METTL25: variants seen among roughly 807,000 people sequenced by gnomAD.
The protein encoded by METTL25 is probable methyltransferase-like protein 25.
In METTL25, 64 loss-of-function variants were observed where a neutral mutation model predicts 71.6. That is an observed-to-expected ratio of 0.89 (90% CI 0.73 to 1.10). METTL25 has a LOEUF of 1.10. Ranked by LOEUF, METTL25 falls within the 50% of genes least tolerant of loss-of-function variation. The pLI is 0.00. For missense variants in METTL25, 807 were observed against 707.0 expected (o/e 1.14, Z -1.60); for synonymous variants, 287 against 250.3 (o/e 1.15, Z -1.38).
At position 82,370,714 on chromosome 12, in the gene METTL25, C is replaced by T. The variant is rs545987716; in HGVS notation, c.259+11890C>T. ...TTCTTTACTATTTCTATCTTTTTCT[C>T]TCTTTGACTCCTTCTTTGTCTCTCT... On this transcript the variant is annotated intron_variant, in intron 1 of 11. Transcript: ENST00000248306. 2.0e-5 allele frequency among the ~76,000 whole-genome samples: 3 copies of T among 151,744 alleles called. No homozygotes were observed. In the East Asian group the frequency reaches 5.8e-4, roughly 30 times the overall value.
intron 8 of METTL25, among the ~76,000 whole-genome samples, chr12:82,449,605 T>G (rs774337979): frequency 1.1e-4 from 17 of 152,264 alleles, no homozygotes; most frequent in Middle Eastern, 3.4e-3. Context: ...CTGTGATAGC[T>G]TTCTTTCCTC....
chr12:82,473,682 C>T (rs983941180), intron 9 of METTL25, among the ~76,000 whole-genome samples: 8 of 152,312 alleles, frequency 5.3e-5, no homozygotes, highest in Middle Eastern at 3.4e-3. Flanking sequence ...CACCTGGCCT[C>T]AGAGCATGTC....
At chr12:82,402,356 ATAT>A (rs1386865180) in intron 4 of METTL25, among the ~76,000 whole-genome samples, 16 of 152,250 alleles carry the variant, frequency 1.1e-4, no homozygotes, top group South Asian at 2.1e-4. Flanking sequence ...TCAAAAATTA[ATAT>A]TATGGTCAAA....
In METTL25 at chr12:82,417,926, G is replaced by C. The variant is rs61934307; in HGVS notation, c.1280-12967G>C. On this transcript the variant is annotated intron_variant, in intron 5 of 11. Coordinates refer to ENST00000248306, the MANE Select transcript of METTL25 (RefSeq NM_032230.3). ...GAGACAGACGGTCTTCCAGACAGAG[G>C]GAACAGCAAGTAAAAAACCCAAAGG... Among the ~76,000 whole-genome samples, 523 of 152,166 alleles carry C rather than the reference G, an allele frequency of 3.4e-3. 1 individual carries two copies. Among genetic ancestry groups the C allele is most frequent in the Non-Finnish European group, 5.9e-3 (403 of 67,996 alleles).
chr12:82,439,451 G>A (rs557263375), intron 8 of METTL25, among the ~76,000 whole-genome samples: 2 of 151,648 alleles, frequency 1.3e-5, no homozygotes, highest in African/African-American at 4.8e-5. Context: ...TAGTTATTTG[G>A]TATAATAGGA....
chr12:82,395,264 C>T (rs989901518), intron 3 of METTL25, among the ~76,000 whole-genome samples: 11 of 151,948 alleles, frequency 7.2e-5, no homozygotes, highest in African/African-American at 1.2e-4. Context: ...ACTCAGCAAA[C>T]GTAGGAGTTA....
chr12:82,376,418 T>G (rs567175572), intron 1 of METTL25, among the ~76,000 whole-genome samples: 184 of 152,370 alleles, frequency 1.2e-3, no homozygotes, highest in African/African-American at 4.4e-3. Context: ...TCATTTATAA[T>G]TTTATTCTTC....
chr12:82,393,915 T>A (rs1885840914), intron 3 of METTL25, among the ~76,000 whole-genome samples: 1 of 152,060 alleles, frequency 6.6e-6, no homozygotes. Context: ...TTTTGCTGTA[T>A]CCCGTGGGTT....
rs57098687 is a variant in METTL25, at chr12:82,441,806, A to AACAC, written c.1478+3039_1478+3042dup. 6.2e-4 allele frequency among the ~76,000 whole-genome samples: 83 copies of AACAC among 133,982 alleles called. 1 individual carries two copies. The highest frequency in any genetic ancestry group is 1.6e-3 in the African/African-American group (58 of 35,206). The allele number at this position is 133,982 out of a possible 152,430, so 87.9% of individuals were successfully genotyped here. A position where few individuals can be genotyped will look rare whatever the true frequency, so the allele number is the denominator to read the frequency against. On this transcript the variant is annotated intron_variant, in intron 8 of 11. Transcript: ENST00000248306. ...TATAGCAAAAAAAAAAAAAAATAGA[A>AACAC]ACACACACACACACACACACACACA...
At chr12:82,416,377 T>C (rs1489475045) in intron 5 of METTL25, among the ~76,000 whole-genome samples, 3 of 152,056 alleles carry the variant, frequency 2.0e-5, no homozygotes, top group African/African-American at 7.2e-5. Flanking sequence ...AAGTTTATTC[T>C]TCATTATTTT....
chr12:82,453,233 A>C (rs899389143), intron 8 of METTL25, among the ~76,000 whole-genome samples: 1 of 152,174 alleles, frequency 6.6e-6, no homozygotes, highest in Non-Finnish European at 1.5e-5. Flanking sequence ...CTAAAACACT[A>C]AAATTCTGTT....
intron 9 of METTL25, among the ~76,000 whole-genome samples, chr12:82,457,209 A>G (rs1026143582): frequency 3.2e-4 from 48 of 151,972 alleles, no homozygotes; most frequent in African/African-American, 1.1e-3. Flanking sequence ...AAAGCCTTCA[A>G]ATAGGAGAAT....
At chr12:82,474,613 T>C (rs1266208041) in intron 9 of METTL25, 1 of 152,202 alleles carries the variant, frequency 6.6e-6, no homozygotes, top group East Asian at 1.9e-4. Context: ...TAGTTTGATT[T>C]GGTTTGGTTT....
intron 9 of METTL25, among the ~76,000 whole-genome samples, chr12:82,465,346 C>T (rs907362768): frequency 5.3e-5 from 8 of 151,994 alleles, no homozygotes; most frequent in Non-Finnish European, 1.0e-4. Flanking sequence ...GCTTTTTCTA[C>T]ATCTATTGAG....
chr12:82,393,958 C>G (rs981618549), intron 3 of METTL25, among the ~76,000 whole-genome samples: 4 of 151,896 alleles, frequency 2.6e-5, no homozygotes, highest in Admixed American at 1.3e-4. Flanking sequence ...TTATTACTTT[C>G]AATACATTTA....
At chr12:82,403,778 C>A (rs951934635) in intron 5 of METTL25, among the ~76,000 whole-genome samples, 1 of 152,122 alleles carries the variant, frequency 6.6e-6, no homozygotes, top group African/African-American at 2.4e-5. Flanking sequence ...CATGTTAAAT[C>A]TTTCCATAAG....
intron 5 of METTL25, among the ~76,000 whole-genome samples, chr12:82,404,009 T>C (rs2137030391): frequency 6.6e-6 from 1 of 152,292 alleles, no homozygotes; most frequent in African/African-American, 2.4e-5. Context: ...TATATTTTAA[T>C]TATTTCTTAT....
intron 1 of METTL25, among the ~76,000 whole-genome samples, chr12:82,374,903 A>G (rs551778163): frequency 1.3e-5 from 2 of 152,202 alleles, no homozygotes; most frequent in South Asian, 4.1e-4. Context: ...GAGATGAAGG[A>G]TGTGTGCTGA....
intron 9 of METTL25, among the ~76,000 whole-genome samples, chr12:82,465,061 T>C (rs1047171165): frequency 6.6e-6 from 1 of 151,984 alleles, no homozygotes; most frequent in Non-Finnish European, 1.5e-5. Flanking sequence ...AGGGATAATT[T>C]TACCTTCTCC....
Sources: allele counts gnomAD v4.1 joint callset (sites outside exome capture counted in the v4.1 genomes callset), GRCh38; gene constraint gnomAD v4.1.1; transcripts MANE v1.5; gene names NCBI Gene and HGNC (gene_info 2026-07-23, HGNC 2026-07-21).